The following NDUFAF6 variants were observed in gnomAD, a reference collection of about 807,000 sequenced individuals.
NDUFAF6 encodes the protein NADH dehydrogenase (ubiquinone) complex I, assembly factor 6.
A neutral mutation model predicts 40.8 loss-of-function variants in NDUFAF6; 45 were observed. The observed-to-expected ratio is 1.10, with a 90% CI of 0.87 to 1.42. The LOEUF is 1.42. Ranked by LOEUF, NDUFAF6 falls within the 40% of genes most tolerant of loss-of-function variation. The pLI, the probability that NDUFAF6 is intolerant of heterozygous loss-of-function variation, is 0.00. For missense variants in NDUFAF6, 435 were observed against 418.5 expected (o/e 1.04, Z -0.34); for synonymous variants, 185 against 155.9 (o/e 1.19, Z -1.39).
In NDUFAF6 at chr8:95,057,927, A is replaced by G. The variant is rs544582476; in HGVS notation, c.992A>G (p.Lys331Arg). Residue 331 changes from lysine to arginine, a missense_variant, in exon 9 of 9, where the codon AAA becomes AGA. Physicochemically the swap from Lys to Arg is conservative, Grantham distance 26 (BLOSUM62 2). Coordinates refer to ENST00000396124, the MANE Select transcript of NDUFAF6 (RefSeq NM_152416.4). ...PLYLYIQSWRKTY is the reference protein window; with the variant it reads ...PLYLYIQSWRRTY ...TATTTGTATATTCAGTCATGGAGAA[A>G]AACATATTAAAATAATTTCATGGCA... The G allele has an allele frequency of 1.8e-4, 283 of 1,532,948 alleles. 1 individual carries two copies. In the South Asian group the frequency reaches 2.9e-3, roughly 16 times the overall value. The allele number at this position is 1,532,948 out of a possible 1,614,324, so 95.0% of individuals were successfully genotyped here. A position where few individuals can be genotyped will look rare whatever the true frequency, so the allele number is the denominator to read the frequency against.
At chr8:94,998,550 T>C (rs1254926169) in intron 2 of NDUFAF6, among the ~76,000 whole-genome samples, 3 of 152,222 alleles carry the variant, frequency 2.0e-5, no homozygotes, top group Non-Finnish European at 4.4e-5. Context: ...TGTAATTATT[T>C]AGCAGTCATG....
chr8:95,032,332 A>G (rs1375880597), intron 2 of NDUFAF6, among the ~76,000 whole-genome samples: 1 of 152,182 alleles, frequency 6.6e-6, no homozygotes, highest in Non-Finnish European at 1.5e-5. Flanking sequence ...TCTCTTCCCG[A>G]GGATATTATA....
chr8:95,013,257 A>C lies in NDUFAF6; in HGVS notation c.-83-18738A>C, dbSNP rs1388366918. ...AGGAAGTACAGGTGTACACCACCAC[A>C]CCTGGCTAATGTTTTTAAATTATTT... On this transcript the variant is annotated intron_variant, in intron 2 of 9. Transcript: ENST00000396111. Among the ~76,000 whole-genome samples the C allele has an allele frequency of 3.9e-5, 6 of 152,000 alleles. No homozygotes were observed. The East Asian group carries it at 1.2e-3, about 29-fold the overall frequency.
At chr8:94,911,156 A>G (rs958053866) in intron 1 of NDUFAF6, among the ~76,000 whole-genome samples, 1 of 152,218 alleles carries the variant, frequency 6.6e-6, no homozygotes, top group Non-Finnish European at 1.5e-5. Flanking sequence ...AGATATTAAC[A>G]CGTCTGTATT....
chr8:95,021,487 A>G (rs1827689964), upstream of NDUFAF6, among the ~76,000 whole-genome samples: 1 of 152,196 alleles, frequency 6.6e-6, no homozygotes, highest in African/African-American at 2.4e-5. Flanking sequence ...CACTATCCCA[A>G]GGCAACAGAC....
In NDUFAF6 at chr8:94,933,846, G is replaced by GGAAA. The variant is rs71273436; in HGVS notation, c.-935-11637_-935-11636insGAAA. Among the ~76,000 whole-genome samples, 61 of 140,614 alleles carry GGAAA rather than the reference G, an allele frequency of 4.3e-4. 2 individuals carry two copies. The highest frequency in any genetic ancestry group is 1.5e-3 in the African/African-American group (60 of 38,786). 92.2% of individuals were successfully genotyped at this position (140,614 alleles called of 152,430 possible). A position where few individuals can be genotyped will look rare whatever the true frequency, so the allele number is the denominator to read the frequency against. ...TCCCAGCACTTTGTGGGGGGGGGGG[G>GGAAA]AGGATCACGAGGTCAGGAGTTCAAG... On this transcript the variant is annotated intron_variant, in intron 1 of 14. Transcript: ENST00000396113.
chr8:95,059,620 G>A (rs1283375904), downstream of NDUFAF6, among the ~76,000 whole-genome samples: 2 of 152,078 alleles, frequency 1.3e-5, no homozygotes, highest in Non-Finnish European at 1.5e-5. Flanking sequence ...AGGCTGAGGC[G>A]GGTGGATCAC....
At chr8:95,094,417 A>ATTT (rs1307165885) in intron 2 of NDUFAF6, among the ~76,000 whole-genome samples, 2 of 62,018 alleles carry the variant, frequency 3.2e-5, no homozygotes, top group Non-Finnish European at 6.5e-5. Context: ...TTTTTTTTGG[A>ATTT]TTTTTTTTTT....
At chr8:95,065,058 C>A (rs1395394023) in intron 9 of NDUFAF6, among the ~76,000 whole-genome samples, 1 of 152,144 alleles carries the variant, frequency 6.6e-6, no homozygotes, top group East Asian at 1.9e-4. Context: ...CATGCCCCTT[C>A]CCCCATATGT....
At chr8:95,017,491 A>C (rs968749869) in intron 2 of NDUFAF6, among the ~76,000 whole-genome samples, 4 of 152,190 alleles carry the variant, frequency 2.6e-5, no homozygotes, top group Non-Finnish European at 5.9e-5. Context: ...CCCTCCAGGT[A>C]GAAAGTAGGA....
At chr8:95,117,281 G>A (rs1810154488), downstream of NDUFAF6, among the ~76,000 whole-genome samples, 1 of 152,226 alleles carries the variant, frequency 6.6e-6, no homozygotes, top group African/African-American at 2.4e-5. Flanking sequence ...TCTATTGAGT[G>A]TACTGGTAGA....
intron 2 of NDUFAF6, among the ~76,000 whole-genome samples, chr8:94,986,337 C>T (rs984500393): frequency 2.6e-5 from 4 of 152,180 alleles, no homozygotes; most frequent in African/African-American, 9.6e-5. Context: ...AGTTTGTTCT[C>T]TATTGCTGTT....
At chr8:95,054,442 T>A (rs1831854592) in intron 8 of NDUFAF6, among the ~76,000 whole-genome samples, 2 of 151,486 alleles carry the variant, frequency 1.3e-5, no homozygotes, top group African/African-American at 4.8e-5. Flanking sequence ...TCTGCTTTTT[T>A]TTTTTTTTTT....
intron 3 of NDUFAF6, among the ~76,000 whole-genome samples, chr8:95,037,502 C>T (rs960321610): frequency 6.6e-6 from 1 of 152,176 alleles, no homozygotes; most frequent in African/African-American, 2.4e-5. Context: ...CTGTAATGAC[C>T]GATTGGCTGA....
chr8:94,905,039 A>G (rs1818301775), intron 1 of NDUFAF6, among the ~76,000 whole-genome samples: 1 of 152,038 alleles, frequency 6.6e-6, no homozygotes. Context: ...GTCTCTACTA[A>G]AAACATAACA....
At chr8:94,951,285 A>C (rs1017702842) in intron 2 of NDUFAF6, 1 of 152,282 alleles carries the variant, frequency 6.6e-6, no homozygotes, top group African/African-American at 2.4e-5. Flanking sequence ...GCCCTTAGGA[A>C]GTTCCAGCTC....
At chr8:95,039,821 T>C (rs1166387480) in intron 3 of NDUFAF6, among the ~76,000 whole-genome samples, 1 of 151,984 alleles carries the variant, frequency 6.6e-6, no homozygotes, top group East Asian at 1.9e-4. Flanking sequence ...ATGAGGTTGC[T>C]ATGTTGCCCA....
chr8:95,023,485 G>A (rs1827783401), upstream of NDUFAF6, among the ~76,000 whole-genome samples: 1 of 152,148 alleles, frequency 6.6e-6, no homozygotes, highest in South Asian at 2.1e-4. Context: ...CATCATGGAC[G>A]GACTGCATAT....
chr8:95,019,951 C>A (rs543862588), intron 2 of NDUFAF6, among the ~76,000 whole-genome samples: 60 of 152,304 alleles, frequency 3.9e-4, no homozygotes, highest in African/African-American at 1.4e-3. Flanking sequence ...GTAATCCCAG[C>A]ACTTTGGGAG....
Sources: allele counts gnomAD v4.1 joint callset (sites outside exome capture counted in the v4.1 genomes callset), GRCh38; gene constraint gnomAD v4.1.1; transcripts MANE v1.5; gene names NCBI Gene and HGNC (gene_info 2026-07-23, HGNC 2026-07-21).